METTL24: variants seen among roughly 807,000 people sequenced by gnomAD.
METTL24 encodes the protein methyltransferase like 24, also known as probable methyltransferase-like protein 24.
Under a neutral mutation model 32.7 loss-of-function variants are expected in METTL24, and 29 were observed. The observed-to-expected ratio is 0.89, with a 90% CI of 0.66 to 1.21. The LOEUF (loss-of-function observed/expected upper bound fraction) is 1.21. Among genes scored for constraint, METTL24 ranks in the 50% most tolerant of loss-of-function variants. The probability of loss-of-function intolerance (pLI) is 0.00; values close to 1 mark genes in which losing one functional copy is unlikely to be tolerated. For synonymous variants in METTL24, 163 were observed against 179.5 expected, an observed-to-expected ratio of 0.91 and a Z score of 0.73; for missense variants, 439 against 468.1, an observed-to-expected ratio of 0.94 and a Z score of 0.57.
intron 4 of METTL24, among the ~76,000 whole-genome samples, chr6:110,294,387 T>G (rs1022656772): frequency 6.6e-6 from 1 of 151,924 alleles, no homozygotes; most frequent in African/African-American, 2.4e-5. Context: ...ATAGAAATAC[T>G]GGATAATTTT....
intron 4 of METTL24, among the ~76,000 whole-genome samples, chr6:110,260,401 GAGA>G (rs1778471664): frequency 6.6e-6 from 1 of 152,162 alleles, no homozygotes; most frequent in Non-Finnish European, 1.5e-5. Context: ...GAAGCGAGAA[GAGA>G]AGTTTAGAGA....
At chr6:110,330,869 A>G (rs548431427) in intron 1 of METTL24, among the ~76,000 whole-genome samples, 8 of 152,384 alleles carry the variant, frequency 5.2e-5, no homozygotes, top group African/African-American at 1.9e-4. Flanking sequence ...TTCAGGATAC[A>G]GTCCCAAACT....
chr6:110,326,116 A>G (rs1562238175), intron 1 of METTL24, among the ~76,000 whole-genome samples: 1 of 152,096 alleles, frequency 6.6e-6, no homozygotes, highest in Non-Finnish European at 1.5e-5. Flanking sequence ...CCTCTTCCCA[A>G]AGCAAGCCAT....
intron 3 of METTL24, 54 bp from the exon 4 acceptor site, chr6:110,299,204 T>C: frequency 6.6e-7 from 1 of 1,516,616 alleles, no homozygotes; most frequent in Non-Finnish European, 9.1e-7. Flanking sequence ...AAGCAAAGTG[T>C]TGGACTAACA....
intron 4 of METTL24, among the ~76,000 whole-genome samples, chr6:110,276,636 A>G (rs1771051985): frequency 6.6e-6 from 1 of 152,166 alleles, no homozygotes. Flanking sequence ...TCTAGGCCAC[A>G]AGATACCACC....
Position 110,358,126 on chromosome 6 carries a change from CG to C in METTL24, c.146del (p.Pro49ArgfsTer25). 2 of 1,089,530 alleles carry C rather than the reference CG, an allele frequency of 1.8e-6. No homozygotes were observed. The highest frequency in any genetic ancestry group is 1.1e-6 in the Non-Finnish European group (1 of 897,986). The allele number at this position is 1,089,530 out of a possible 1,614,324, so 67.5% of individuals were successfully genotyped here. ...GSPTRSAPPG[P>X]AWRPPGPHLP... ...GGTGCGGCCCAGGTGGCCGCCAGGCCGGGCCCGGCGGGGCGCTGCGGGTGGG... is the reference window on the plus strand; with the variant it reads ...GGTGCGGCCCAGGTGGCCGCCAGGCCGGCCCGGCGGGGCGCTGCGGGTGGG... On this transcript the variant is annotated frameshift_variant, in exon 1 of 5. Transcript: ENST00000338882. LOFTEE classifies it high-confidence loss of function.
At chr6:110,347,053 C>G (rs1184195427) in intron 1 of METTL24, among the ~76,000 whole-genome samples, 7 of 152,068 alleles carry the variant, frequency 4.6e-5, no homozygotes, top group African/African-American at 1.7e-4. Context: ...TTTATTGGTG[C>G]TATACATTGT....
chr6:110,356,718 G>A (rs930684614), intron 1 of METTL24, among the ~76,000 whole-genome samples: 1 of 152,220 alleles, frequency 6.6e-6, no homozygotes, highest in East Asian at 1.9e-4. Flanking sequence ...CACGGACAGT[G>A]AATTAGGAAC....
chr6:110,283,347 A>G lies in METTL24; in HGVS notation c.786+15575T>C, dbSNP rs556467505. The stretch of plus-strand genomic sequence containing the variant: ...CTATCCCAACATCTCTGAATATTAC[A>G]TCATATGCAGAATAAGAAAAAAAAT... On this transcript the variant is annotated intron_variant, in intron 4 of 4. Transcript: ENST00000338882. Among the ~76,000 whole-genome samples, 111 of 152,310 alleles carry G rather than the reference A, an allele frequency of 7.3e-4. 1 individual carries two copies. In the South Asian group the frequency reaches 0.022, roughly 30 times the overall value.
intron 3 of METTL24, among the ~76,000 whole-genome samples, chr6:110,313,963 CTTATT>C (rs912305810): frequency 9.9e-5 from 15 of 152,172 alleles, no homozygotes; most frequent in Non-Finnish European, 2.2e-4. Context: ...TCTTTAAACT[CTTATT>C]TTGTTTTTTT....
intron 1 of METTL24, among the ~76,000 whole-genome samples, chr6:110,348,019 G>A (rs1377735343): frequency 6.6e-6 from 1 of 152,146 alleles, no homozygotes; most frequent in African/African-American, 2.4e-5. Context: ...TAAAATTGCA[G>A]TGAACATTGG....
intron 4 of METTL24, among the ~76,000 whole-genome samples, chr6:110,265,076 C>T (rs546214940): frequency 2.7e-5 from 4 of 149,300 alleles, no homozygotes; most frequent in South Asian, 2.1e-4. Context: ...ACACATGTAA[C>T]AAACCTGCAT....
intron 3 of METTL24, among the ~76,000 whole-genome samples, chr6:110,306,321 A>G (rs939468226): frequency 1.3e-5 from 2 of 151,490 alleles, no homozygotes; most frequent in Non-Finnish European, 2.9e-5. Flanking sequence ...AAATAAATAA[A>G]TAAATATTAT....
chr6:110,269,944 C>A (rs528542320), intron 4 of METTL24, among the ~76,000 whole-genome samples: 1 of 152,182 alleles, frequency 6.6e-6, no homozygotes, highest in South Asian at 2.1e-4. Context: ...TTTCCTCAGT[C>A]CCACAACAGA....
intron 4 of METTL24, among the ~76,000 whole-genome samples, chr6:110,263,426 C>T (rs763148756): frequency 6.6e-6 from 1 of 152,100 alleles, no homozygotes; most frequent in Non-Finnish European, 1.5e-5. Context: ...ATGCGAAGGA[C>T]CTCTTCAAGG....
chr6:110,253,910 A>G (rs999662777), intron 4 of METTL24: 3 of 1,472,342 alleles, frequency 2.0e-6, no homozygotes, highest in African/African-American at 2.9e-5. Flanking sequence ...TCAGAATCTG[A>G]AGGAGGTGAC....
At chr6:110,274,248 A>C (rs1404535925) in intron 4 of METTL24, among the ~76,000 whole-genome samples, 1 of 152,106 alleles carries the variant, frequency 6.6e-6, no homozygotes, top group Admixed American at 6.6e-5. Flanking sequence ...GCCCACCACT[A>C]TGCCCAGCTA....
In METTL24 at chr6:110,245,832, G is replaced by T. The variant is rs1778145805; in HGVS notation, c.*114C>A. 2 of 1,059,090 alleles carry T rather than the reference G, an allele frequency of 1.9e-6. No individual in the cohort carries two copies. The highest frequency in any genetic ancestry group is 2.8e-6 in the Non-Finnish European group (2 of 725,502). The allele number at this position is 1,059,090 out of a possible 1,614,324, so 65.6% of individuals were successfully genotyped here. On this transcript the variant is annotated 3_prime_UTR_variant, in exon 5 of 5. Coordinates refer to ENST00000338882, the MANE Select transcript of METTL24 (RefSeq NM_001123364.3). ...GCATGCCCGCAATAACACACTCCCT[G>T]CCTCAAGCAGGGCACAGGCTAGCAG...
chr6:110,281,545 G>T (rs1326236638), intron 4 of METTL24, among the ~76,000 whole-genome samples: 1 of 151,824 alleles, frequency 6.6e-6, no homozygotes, highest in African/African-American at 2.4e-5. Context: ...GGAGGCTGAG[G>T]TTGAACCCAG....
Sources: gnomAD v4.1 joint callset for allele counts (sites outside exome capture counted in the v4.1 genomes callset) on GRCh38, gnomAD v4.1.1 for gene constraint, MANE v1.5 for transcripts, NCBI Gene and HGNC (gene_info 2026-07-23, HGNC 2026-07-21) for gene names.